KALRN: variants seen among roughly 807,000 people sequenced by gnomAD.
KALRN encodes the protein kalirin RhoGEF kinase.
A neutral mutation model predicts 353.7 loss-of-function variants in KALRN; 70 were observed. That is an observed-to-expected ratio of 0.20 (90% CI 0.16 to 0.24). The LOEUF is 0.24. Among genes scored for constraint, KALRN ranks in the 10% least tolerant of loss-of-function variants. The pLI is 1.00. For synonymous variants in KALRN, 1,391 were observed against 1,434.8 expected (o/e 0.97, Z 0.69); for missense variants, 2,791 against 3,756.7 (o/e 0.74, Z 6.72).
intron 1 of KALRN, among the ~76,000 whole-genome samples, chr3:124,108,520 A>G (rs960750583): frequency 1.3e-5 from 2 of 152,216 alleles, no homozygotes; most frequent in Non-Finnish European, 2.9e-5. Flanking sequence ...GTACTTCTCT[A>G]CATCCTTGGT....
chr3:124,427,658 C>G (rs923421378), intron 15 of KALRN, among the ~76,000 whole-genome samples: 14 of 152,198 alleles, frequency 9.2e-5, no homozygotes, highest in Non-Finnish European at 2.1e-4. Context: ...ATGTCCAGTT[C>G]CCCCTCAAGC....
intron 1 of KALRN, among the ~76,000 whole-genome samples, chr3:124,217,824 G>A (rs2077491074): frequency 1.3e-5 from 2 of 152,210 alleles, no homozygotes; most frequent in Non-Finnish European, 2.9e-5. Flanking sequence ...TCAGCTGTCA[G>A]ACCGTACCTG....
chr3:124,719,628 G>C lies in KALRN; in HGVS notation c.*158G>C, dbSNP rs891195692. 1 of 711,332 alleles carries C rather than the reference G, an allele frequency of 1.4e-6. No homozygotes were observed. Among genetic ancestry groups the C allele is most frequent in the African/African-American group, 1.8e-5 (1 of 55,628 alleles). The allele number at this position is 711,332 out of a possible 1,614,324, so 44.1% of individuals were successfully genotyped here. A position where few individuals can be genotyped will look rare whatever the true frequency, so the allele number is the denominator to read the frequency against. On this transcript the variant is annotated 3_prime_UTR_variant, in exon 60 of 60. Transcript: ENST00000682506. The surrounding 1 kb of genome is among the most constrained non-coding windows in gnomAD (Gnocchi z 5.3). ...CCTCGTCAGTGGTTATTCAGGGTCT[G>C]AGCAGCAGTAAAAGTCACCCTAAAT...
chr3:124,176,981 G>A (rs1026645566), intron 1 of KALRN, among the ~76,000 whole-genome samples: 1 of 152,152 alleles, frequency 6.6e-6, no homozygotes, highest in Non-Finnish European at 1.5e-5. Context: ...GGGCAGAGAG[G>A]CCCATTGGGT....
intron 34 of KALRN, among the ~76,000 whole-genome samples, chr3:124,590,247 T>C (rs990849028): frequency 3.3e-5 from 5 of 152,094 alleles, no homozygotes; most frequent in African/African-American, 1.2e-4. Context: ...AACCACAGCA[T>C]GGTAGAAATG....
intron 34 of KALRN, among the ~76,000 whole-genome samples, chr3:124,624,429 T>C (rs1159079381): frequency 1.3e-5 from 2 of 152,224 alleles, no homozygotes; most frequent in Non-Finnish European, 2.9e-5. Flanking sequence ...AAAACATATA[T>C]AGGGTTTGAT....
At chr3:124,298,768 C>T (rs2077042593) in intron 5 of KALRN, 23 bp from the exon 6 acceptor site, 5 of 1,613,784 alleles carry the variant, frequency 3.1e-6, no homozygotes, top group African/African-American at 2.7e-5. Flanking sequence ...TCTGATTATG[C>T]TGTGCCTTCT....
At chr3:124,674,321 G>A in intron 48 of KALRN, 43 bp from the exon 49 acceptor site, 1 of 1,580,178 alleles carries the variant, frequency 6.3e-7, no homozygotes, top group Admixed American at 1.7e-5. Flanking sequence ...ATGTGAACTA[G>A]CGTCCTTGTG....
intron 1 of KALRN, among the ~76,000 whole-genome samples, chr3:124,037,047 A>T (rs1361479135): frequency 6.6e-6 from 1 of 152,316 alleles, no homozygotes; most frequent in South Asian, 2.1e-4. Flanking sequence ...TTTATTGATC[A>T]TAGTTATGAG....
intron 48 of KALRN, among the ~76,000 whole-genome samples, chr3:124,674,022 A>G (rs1462726771): frequency 6.6e-6 from 1 of 152,160 alleles, no homozygotes; most frequent in African/African-American, 2.4e-5. Context: ...AGGTGCTTAC[A>G]TACCCCTATG....
At chr3:124,611,543 C>A (rs2077973749) in intron 34 of KALRN, among the ~76,000 whole-genome samples, 2 of 152,128 alleles carry the variant, frequency 1.3e-5, no homozygotes, top group Admixed American at 1.3e-4. Flanking sequence ...ATTCTTGGTG[C>A]AAAGGTGATT....
At chr3:124,116,585 T>C (rs2063481793) in intron 1 of KALRN, among the ~76,000 whole-genome samples, 1 of 152,172 alleles carries the variant, frequency 6.6e-6, no homozygotes, top group Non-Finnish European at 1.5e-5. Context: ...GATGAGAATA[T>C]AGTAGTTCCC....
At chr3:124,269,324 T>C in intron 5 of KALRN, 69 bp downstream of exon 5, 4 of 1,465,028 alleles carry the variant, frequency 2.7e-6, no homozygotes, top group Non-Finnish European at 3.7e-6. Flanking sequence ...CATCCAACTT[T>C]CTGATTAATG....
At chr3:124,163,673 T>C (rs1447285146) in intron 1 of KALRN, 11 of 984,644 alleles carry the variant, frequency 1.1e-5, no homozygotes, top group Non-Finnish European at 1.3e-5. Flanking sequence ...AATAAATGTA[T>C]AAATATTACA....
intron 1 of KALRN, among the ~76,000 whole-genome samples, chr3:124,114,835 G>T (rs2063320245): frequency 1.3e-5 from 2 of 152,202 alleles, no homozygotes; most frequent in African/African-American, 4.8e-5. Flanking sequence ...GGGATGTCTT[G>T]TCTGGTGAAG....
intron 30 of KALRN, 80 bp from the exon 31 acceptor site, chr3:124,491,243 C>T: frequency 1.1e-6 from 1 of 914,170 alleles, no homozygotes; most frequent in Admixed American, 2.7e-5. Flanking sequence ...CTCTTTGTTG[C>T]CTTTCCCTTC....
chr3:124,268,960 C>G lies in KALRN; in HGVS notation c.674C>G (p.Ser225Cys), dbSNP rs201371514. 6.5e-5 allele frequency: 105 copies of G among 1,614,052 alleles called. No homozygotes were observed. The highest frequency in any genetic ancestry group is 8.6e-5 in the Non-Finnish European group (102 of 1,180,026). The stretch of plus-strand genomic sequence containing the variant: ...GAGTTTCCTGTGGATGTGGAGGGCT[C>G]TCGGCGGCTCATTGACGAACACACA... ...RKEFPVDVEG[S>C]RRLIDEHTQL... Residue 225 changes from serine to cysteine, a missense_variant, in exon 5 of 60, where the codon TCT becomes TGT. Physicochemically the swap from Ser to Cys is moderately radical, Grantham distance 112. Transcript: ENST00000682506.
intron 14 of KALRN, among the ~76,000 whole-genome samples, chr3:124,421,050 T>G (rs1167703271): frequency 6.6e-6 from 1 of 152,190 alleles, no homozygotes; most frequent in African/African-American, 2.4e-5. Flanking sequence ...AGGATCCTGT[T>G]CTTCAGCATC....
intron 1 of KALRN, among the ~76,000 whole-genome samples, chr3:124,153,916 C>G (rs1428651388): frequency 6.6e-6 from 1 of 152,074 alleles, no homozygotes; most frequent in African/African-American, 2.4e-5. Flanking sequence ...TAAATGTCTT[C>G]TTTTGAGAAG....
Sources: gnomAD v4.1 joint callset for allele counts (sites outside exome capture counted in the v4.1 genomes callset) on GRCh38, gnomAD v4.1.1 for gene constraint, Gnocchi (gnomAD v3.1) non-coding constraint, MANE v1.5 for transcripts, NCBI Gene and HGNC (gene_info 2026-07-23, HGNC 2026-07-21) for gene names.